The following AFDN variants were observed in gnomAD, a reference collection of about 807,000 sequenced individuals.
The protein encoded by AFDN is afadin.
A neutral mutation model predicts 216.6 loss-of-function variants in AFDN; 68 were observed. That is an observed-to-expected ratio of 0.31 (90% confidence interval 0.26 to 0.38). AFDN has a LOEUF of 0.38. Among genes scored for constraint, AFDN ranks in the 10% least tolerant of loss-of-function variants. The probability of loss-of-function intolerance (pLI) is 1.00; values close to 1 mark genes in which losing one functional copy is unlikely to be tolerated. For missense variants in AFDN, 2,136 were observed against 2,342.0 expected (o/e 0.91, Z 1.82); for synonymous variants, 868 against 853.7 (o/e 1.02, Z -0.29).
chr6:167,858,129 T>C (rs1783108698), intron 1 of AFDN, among the ~76,000 whole-genome samples: 1 of 152,182 alleles, frequency 6.6e-6, no homozygotes, highest in Non-Finnish European at 1.5e-5. Context: ...TTTGATCCCC[T>C]TTCCATAATG....
intron 1 of AFDN, among the ~76,000 whole-genome samples, chr6:167,849,433 G>A (rs1782054849): frequency 2.0e-5 from 3 of 147,066 alleles, no homozygotes; most frequent in South Asian, 4.4e-4. Context: ...AGAAATGATA[G>A]TACCTTCTTC....
chr6:167,916,095 C>T (rs1016801995), intron 19 of AFDN, among the ~76,000 whole-genome samples: 3 of 152,190 alleles, frequency 2.0e-5, no homozygotes, highest in Non-Finnish European at 2.9e-5. Flanking sequence ...TCTGGGGGCT[C>T]TGAGGAAAGG....
chr6:167,937,834 G>C (rs1400535807), intron 23 of AFDN, among the ~76,000 whole-genome samples: 4 of 152,134 alleles, frequency 2.6e-5, no homozygotes, highest in African/African-American at 7.2e-5. Context: ...GGGCATATCG[G>C]TTGCTTCTTA....
At chr6:167,954,554 G>A (rs1796312520) in intron 30 of AFDN, 18 of 1,485,008 alleles carry the variant, frequency 1.2e-5, no homozygotes, top group Non-Finnish European at 1.7e-5. Context: ...TTTTCTTTCA[G>A]TGGTGGCTGT....
chr6:167,826,650 C>T, upstream of AFDN: 1 of 489,992 alleles, frequency 2.0e-6, no homozygotes. Flanking sequence ...GCGTCCGAAC[C>T]GAACCTAGCA....
intron 1 of AFDN, among the ~76,000 whole-genome samples, chr6:167,852,247 T>C (rs1268157583): frequency 6.6e-6 from 1 of 152,210 alleles, no homozygotes; most frequent in Non-Finnish European, 1.5e-5. Flanking sequence ...TTTATTTGAA[T>C]TGGAATCCAA....
At chr6:167,896,569 T>C in intron 9 of AFDN, among the ~76,000 whole-genome samples, 1 of 152,232 alleles carries the variant, frequency 6.6e-6, no homozygotes. Flanking sequence ...CTACAGTTGC[T>C]CCTCAGAATC....
At position 167,889,246 on chromosome 6, in the gene AFDN, A is replaced by T. The variant is rs770973648; in HGVS notation, c.929A>T (p.Asp310Val). 6.2e-7 allele frequency: 1 copy of T among 1,613,880 alleles called. No homozygotes were observed. Among genetic ancestry groups the T allele is most frequent in the African/African-American group, 1.3e-5 (1 of 74,908 alleles). The change falls in exon 7 of 34, where the codon GAT becomes GTT. Residue 310 changes from aspartate to valine, a missense_variant. Asp to Val is a radical substitution (Grantham distance 152, BLOSUM62 -3). Coordinates refer to ENST00000683244, the MANE Select transcript of AFDN (RefSeq NM_001386888.1). ...VMLPPGAQHS[D>V]EKGAKEIILD... ...CTTCCTCCTGGAGCCCAGCATTCTG[A>T]TGAAAAGGGTGCTAAAGAAATTATT...
rs189228560 is a variant in AFDN, at chr6:167,963,676, A to G, written c.4968+1109A>G. On this transcript the variant is annotated intron_variant, in intron 31 of 33. Transcript: ENST00000683244. Reference sequence around the variant, plus strand: ...TTGTAGACCTTTGCCCTCTAAGTTTATCATCATATTATCTGTTGAATCTGA... The same window carrying G: ...TTGTAGACCTTTGCCCTCTAAGTTTGTCATCATATTATCTGTTGAATCTGA... 117 of 1,060,850 alleles carry G rather than the reference A, an allele frequency of 1.1e-4. No individual in the cohort carries two copies. In the Admixed American group the frequency reaches 3.8e-3, roughly 35 times the overall value. The allele number at this position is 1,060,850 out of a possible 1,614,324, so 65.7% of individuals were successfully genotyped here. A position where few individuals can be genotyped will look rare whatever the true frequency, so the allele number is the denominator to read the frequency against.
intron 30 of AFDN, among the ~76,000 whole-genome samples, chr6:167,961,499 T>C (rs1260085586): frequency 1.3e-5 from 2 of 152,122 alleles, no homozygotes; most frequent in Non-Finnish European, 2.9e-5. Context: ...TGCATAGAGA[T>C]GTGAGCAGAA....
rs1792017891 is a variant in AFDN at position 167,922,948 on chromosome 6, A to G, written c.3001A>G (p.Asn1001Asp). 2 of 1,609,280 alleles carry G rather than the reference A, an allele frequency of 1.2e-6. No homozygotes were observed. The highest frequency in any genetic ancestry group is 3.3e-5 in the Admixed American group (2 of 59,874). Reference sequence around the variant, plus strand: ...TTATGAAAGTCACCTTCTGCGTGAGAACACAGAGCTGGCAAGTATTTTGAG... The same window carrying G: ...TTATGAAAGTCACCTTCTGCGTGAGGACACAGAGCTGGCAAGTATTTTGAG... ...ADYESHLLRE[N>D]TELAQPLRKE... Residue 1001 changes from asparagine (N) to aspartate (D), a missense_variant, in exon 22 of 34, where the codon AAC (asparagine) becomes GAC (aspartate). Physicochemically the swap from Asn to Asp is conservative, Grantham distance 23. Around this residue, in one of 8 missense-constraint regions of AFDN, gnomAD observed 162 missense variants for 182.6 expected, o/e 0.89. Coordinates refer to ENST00000683244, the MANE Select transcript of AFDN (RefSeq NM_001386888.1).
intron 1 of AFDN, among the ~76,000 whole-genome samples, chr6:167,847,984 C>G (rs1297916936): frequency 2.6e-5 from 4 of 152,130 alleles, no homozygotes; most frequent in Non-Finnish European, 5.9e-5. Flanking sequence ...TTATGCCAAC[C>G]AGGATTCTGC....
At position 167,855,314 on chromosome 6, in the gene AFDN, G is replaced by A. The variant is rs531894472; in HGVS notation, c.106-9237G>A. On this transcript the variant is annotated intron_variant, in intron 1 of 33. Coordinates refer to ENST00000683244, the MANE Select transcript of AFDN (RefSeq NM_001386888.1). Reference sequence around the variant, plus strand: ...TGAACTACTTGTTGAAATGAGCCAAGTTGTCTCCTGCCTCCAGGAGTACCT... The same window carrying A: ...TGAACTACTTGTTGAAATGAGCCAAATTGTCTCCTGCCTCCAGGAGTACCT... Among the ~76,000 whole-genome samples, 4 of 152,184 alleles carry A rather than the reference G, an allele frequency of 2.6e-5. No homozygotes were observed. The East Asian group carries it at 7.7e-4, about 29-fold the overall frequency.
chr6:167,917,915 T>G (rs1478073152), intron 20 of AFDN, among the ~76,000 whole-genome samples: 1 of 152,180 alleles, frequency 6.6e-6, no homozygotes, highest in African/African-American at 2.4e-5. Context: ...GGATGAACAT[T>G]ATGACATAAT....
intron 10 of AFDN, 114 bp from the exon 11 acceptor site, chr6:167,898,091 C>T: frequency 8.7e-7 from 1 of 1,150,508 alleles, no homozygotes; most frequent in Admixed American, 2.8e-5. Context: ...ACTAAAAATC[C>T]AGAGCTTATT....
At chr6:167,947,216 C>T (rs1460552438) in intron 27 of AFDN, among the ~76,000 whole-genome samples, 1 of 151,524 alleles carries the variant, frequency 6.6e-6, no homozygotes, top group Non-Finnish European at 1.5e-5. Context: ...ACTCTCTCGC[C>T]CAGGCTGGAG....
At chr6:167,921,330 C>T (rs1221424178) in intron 21 of AFDN, among the ~76,000 whole-genome samples, 1 of 152,156 alleles carries the variant, frequency 6.6e-6, no homozygotes, top group Non-Finnish European at 1.5e-5. Context: ...GTGATATTTC[C>T]GTGGCCGAGG....
Position 167,962,985 on chromosome 6 carries a change from C to T in AFDN, c.4968+418C>T, listed in dbSNP as rs1040081954. ...CGTAGTAAGACAGTTGGCTGCCATT[C>T]AACATTTCAAATAGATGGTTTACTC... On this transcript the variant is annotated intron_variant, in intron 31 of 33. Coordinates refer to ENST00000683244, the MANE Select transcript of AFDN (RefSeq NM_001386888.1). This position sits in a 1 kb window ranked among gnomAD's most constrained non-coding sequence, Gnocchi z 5.2. 20 of 1,088,714 alleles carry T rather than the reference C, an allele frequency of 1.8e-5. No homozygotes were observed. Among genetic ancestry groups the T allele is most frequent in the Non-Finnish European group, 2.1e-5 (19 of 892,304 alleles). 67.4% of individuals were successfully genotyped at this position (1,088,714 alleles called of 1,614,324 possible).
intron 1 of AFDN, among the ~76,000 whole-genome samples, chr6:167,849,694 A>T (rs1782085609): frequency 6.6e-6 from 1 of 152,228 alleles, no homozygotes; most frequent in Non-Finnish European, 1.5e-5. Flanking sequence ...AGTATAGAAG[A>T]TTCTCAAAAA....
Sources: allele counts gnomAD v4.1 joint callset (sites outside exome capture counted in the v4.1 genomes callset), GRCh38; gene constraint gnomAD v4.1.1; regional missense constraint gnomAD v4.1.1; non-coding constraint Gnocchi (gnomAD v3.1); transcripts MANE v1.5; gene names NCBI Gene and HGNC (gene_info 2026-07-23, HGNC 2026-07-21).